Variants in DOCK4 observed in about 807,000 individuals in gnomAD.
The protein encoded by DOCK4 is dedicator of cytokinesis protein 4.
Under a neutral mutation model 268.1 loss-of-function variants are expected in DOCK4, and 97 were observed. The observed-to-expected ratio is 0.36, with a 90% CI of 0.31 to 0.43. The LOEUF is 0.43. DOCK4 is among the 20% of genes least tolerant of loss of function. DOCK4 has a pLI of 1.00. For synonymous variants in DOCK4, 954 were observed against 887.2 expected (o/e 1.08, Z -1.34); for missense variants, 2,145 against 2,455.7 (o/e 0.87, Z 2.67).
rs776303279 is a variant in DOCK4, at chr7:111,728,538, TGGCACCGGCAGG to T, written c.5652_5663del (p.Leu1885_Pro1888del). ...CGTAGCTCGGCACGGGCACCGGCAC[TGGCACCGGCAGG>T]GGGGCCGACTGTTCATTCACCTGAT... On this transcript the variant is annotated inframe_deletion, in exon 53 of 53. Transcript: ENST00000428084. 37 of 1,613,496 alleles carry T rather than the reference TGGCACCGGCAGG, an allele frequency of 2.3e-5. No homozygotes were observed. Among genetic ancestry groups the T allele is most frequent in the Admixed American group, 1.0e-4 (6 of 59,996 alleles).
At chr7:111,838,433 C>T (rs1803407019) in intron 25 of DOCK4, among the ~76,000 whole-genome samples, 2 of 152,018 alleles carry the variant, frequency 1.3e-5, no homozygotes, top group Non-Finnish European at 2.9e-5. Flanking sequence ...AATGAATAAA[C>T]AAACTGCAGT....
rs752033968 is a variant in DOCK4, at chr7:111,863,491, T to A, written c.2354A>T (p.Asn785Ile). ...ACTGCCCAGGGTGTCCTGGACCAAG[T>A]TGGCTACTTCCCGGACATCAAAGAG... ...LKLFDVREVA[N>I]LVQDTLGSLP... The change falls in exon 23 of 53, where the codon AAC becomes ATC. Residue 785 changes from asparagine to isoleucine, a missense_variant. Transcript: ENST00000428084. The A allele has an allele frequency of 1.9e-6, 3 of 1,613,958 alleles. No individual in the cohort carries two copies. The Admixed American group carries it at 5.0e-5, about 27-fold the overall frequency.
At chr7:111,959,948 T>A (rs912438656) in intron 8 of DOCK4, among the ~76,000 whole-genome samples, 12 of 152,224 alleles carry the variant, frequency 7.9e-5, no homozygotes, top group Non-Finnish European at 1.8e-4. Flanking sequence ...CGTCTCCCAT[T>A]GGTGCGGCCA....
chr7:111,957,652 G>A (rs950769207), intron 8 of DOCK4, among the ~76,000 whole-genome samples: 3 of 152,106 alleles, frequency 2.0e-5, no homozygotes, highest in African/African-American at 7.2e-5. Context: ...TTAATAAATG[G>A]CATGAAGGCA....
At chr7:112,045,570 T>C (rs1047613208) in intron 1 of DOCK4, among the ~76,000 whole-genome samples, 6 of 152,240 alleles carry the variant, frequency 3.9e-5, no homozygotes, top group African/African-American at 1.4e-4. Flanking sequence ...CAATGTGTTA[T>C]AATGATTATT....
chr7:111,731,898 G>A (rs1795114495), intron 52 of DOCK4, among the ~76,000 whole-genome samples: 2 of 152,076 alleles, frequency 1.3e-5, no homozygotes, highest in African/African-American at 4.8e-5. Flanking sequence ...AAACTAAAAG[G>A]CCAGGCTGAA....
At chr7:111,893,054 T>C (rs1808423754) in intron 16 of DOCK4, among the ~76,000 whole-genome samples, 1 of 152,190 alleles carries the variant, frequency 6.6e-6, no homozygotes, top group African/African-American at 2.4e-5. Flanking sequence ...ATTTTCATGC[T>C]CAAATAAATT....
At chr7:112,088,666 T>C (rs1349022126) in intron 1 of DOCK4, among the ~76,000 whole-genome samples, 1 of 152,134 alleles carries the variant, frequency 6.6e-6, no homozygotes, top group East Asian at 1.9e-4. Flanking sequence ...TTTCCACTCA[T>C]TTAGTTTCCT....
chr7:111,779,480 CT>C (rs1798660419), intron 35 of DOCK4, among the ~76,000 whole-genome samples: 1 of 152,172 alleles, frequency 6.6e-6, no homozygotes, highest in Non-Finnish European at 1.5e-5. Flanking sequence ...TGACTGCAAC[CT>C]CCGCCTTCCG....
intron 1 of DOCK4, among the ~76,000 whole-genome samples, chr7:112,173,926 C>T (rs1393073487): frequency 6.6e-6 from 1 of 152,110 alleles, no homozygotes; most frequent in Non-Finnish European, 1.5e-5. Flanking sequence ...ACCAGCAGAC[C>T]AGCCCTGGGC....
Position 112,174,778 on chromosome 7 carries a change from G to A in DOCK4, c.37+31324C>T, listed in dbSNP as rs187029877. On this transcript the variant is annotated intron_variant, in intron 1 of 52. Transcript: ENST00000428084. ...ATCCAATTTTAAGGCTCTGTCTCACGTCCATATTCTACTCCCAGATGACTG... is the reference window on the plus strand; with the variant it reads ...ATCCAATTTTAAGGCTCTGTCTCACATCCATATTCTACTCCCAGATGACTG... Among the ~76,000 whole-genome samples, 18 of 151,988 alleles carry A rather than the reference G, an allele frequency of 1.2e-4. No individual in the cohort carries two copies. The East Asian group carries it at 2.9e-3, about 24-fold the overall frequency.
At chr7:112,087,229 T>C (rs1281111290) in intron 1 of DOCK4, among the ~76,000 whole-genome samples, 1 of 152,150 alleles carries the variant, frequency 6.6e-6, no homozygotes, top group Non-Finnish European at 1.5e-5. Flanking sequence ...ATGTATTAAC[T>C]GTACACTTTC....
intron 42 of DOCK4, among the ~76,000 whole-genome samples, chr7:111,752,578 G>GTTTTTTT (rs56037303): frequency 2.4e-4 from 20 of 82,212 alleles, no homozygotes; most frequent in South Asian, 5.1e-4. Flanking sequence ...ATCAGCTTAG[G>GTTTTTTT]TTTTTTTTTT....
At chr7:111,982,874 AAAAGT>A (rs1375222937) in intron 7 of DOCK4, among the ~76,000 whole-genome samples, 5 of 152,246 alleles carry the variant, frequency 3.3e-5, no homozygotes, top group African/African-American at 1.2e-4. Flanking sequence ...ATAAATGAAC[AAAAGT>A]AAAGATGCCA....
intron 8 of DOCK4, among the ~76,000 whole-genome samples, chr7:111,948,222 G>C (rs1795776693): frequency 6.6e-6 from 1 of 152,014 alleles, no homozygotes; most frequent in Non-Finnish European, 1.5e-5. Flanking sequence ...CTATTATAAT[G>C]ACCATTTTAC....
chr7:112,194,878 G>A (rs887827005), intron 1 of DOCK4, among the ~76,000 whole-genome samples: 2 of 151,968 alleles, frequency 1.3e-5, no homozygotes, highest in African/African-American at 4.8e-5. Context: ...CCTAACCTGG[G>A]GCAAAGAACA....
chr7:112,198,913 C>A (rs997808840), intron 1 of DOCK4, among the ~76,000 whole-genome samples: 3 of 152,134 alleles, frequency 2.0e-5, no homozygotes, highest in African/African-American at 7.2e-5. Context: ...GTGCTCATAA[C>A]CAAAACTGAT....
intron 7 of DOCK4, 56 bp from the exon 8 acceptor site, chr7:111,977,339 G>A: frequency 6.5e-7 from 1 of 1,544,566 alleles, no homozygotes; most frequent in Non-Finnish European, 8.7e-7. Context: ...GAAATAACAG[G>A]ACCCAACAAA....
chr7:111,957,738 T>C (rs6974613), intron 8 of DOCK4, among the ~76,000 whole-genome samples: 9,228 of 152,222 alleles, frequency 0.061, 920 homozygotes, highest in African/African-American at 0.21. Context: ...AGAAGGACAG[T>C]AAGAATTGTT....
Sources: gnomAD v4.1 joint callset for allele counts (sites outside exome capture counted in the v4.1 genomes callset) on GRCh38, gnomAD v4.1.1 for gene constraint, MANE v1.5 for transcripts, NCBI Gene and HGNC (gene_info 2026-07-23, HGNC 2026-07-21) for gene names.